Variants in TSPAN32 observed in about 807,000 individuals in gnomAD.
TSPAN32 encodes tetraspanin 32.
In TSPAN32, 47 loss-of-function variants were observed where a neutral mutation model predicts 42.7. That is an observed-to-expected ratio of 1.10 (90% confidence interval 0.87 to 1.40). The LOEUF is 1.40. Ranked by LOEUF, TSPAN32 falls within the 40% of genes most tolerant of loss-of-function variation. The pLI is 0.00. For missense variants in TSPAN32, 469 were observed against 424.1 expected (o/e 1.11, Z -0.93); for synonymous variants, 175 against 175.9 (o/e 0.99, Z 0.04).
intron 7 of TSPAN32, 72 bp from the exon 8 acceptor site, chr11:2,316,504 G>C: frequency 6.2e-7 from 1 of 1,607,476 alleles, no homozygotes; most frequent in Non-Finnish European, 8.5e-7. Flanking sequence ...ACACTGCAGA[G>C]TCCTGATGCT....
intron 6 of TSPAN32, 59 bp downstream of exon 6, chr11:2,314,630 G>A (rs1283286890): frequency 2.8e-6 from 4 of 1,423,370 alleles, no homozygotes; most frequent in South Asian, 1.2e-5. Context: ...ACACCCTGGG[G>A]CCCAACCCCA....
chr11:2,308,765 C>T lies in TSPAN32; in HGVS notation c.309C>T (p.Cys103=), dbSNP rs11554947. 0.84 allele frequency: 1,314,774 copies of T among 1,573,252 alleles called. 562,491 individuals are homozygous for T. The highest frequency in any genetic ancestry group is 0.89 in the Non-Finnish European group (1,030,253 of 1,159,812). The part of the protein sequence containing the change: ...GGFLCFSLAF[C]AQVQVVFWRL... The stretch of plus-strand genomic sequence containing the variant: ...TCCTGTGCTTCTCCCTGGCGTTCTG[C>T]GCACAGGTGCAGGTGGTGTTCTGGA... Residue 103 remains cysteine (C), a synonymous_variant, in exon 4 of 10, where the codon TGC becomes TGT. Coordinates refer to ENST00000182290, the MANE Select transcript of TSPAN32 (RefSeq NM_139022.3).
intron 3 of TSPAN32, among the ~76,000 whole-genome samples, chr11:2,305,383 G>C (rs1554938661): frequency 5.4e-4 from 48 of 89,082 alleles, no homozygotes; most frequent in African/African-American, 9.8e-4. Flanking sequence ...CCCCCCCCCA[G>C]AGGGTGTGTG....
chr11:2,307,533 GC>G (rs140649947), intron 3 of TSPAN32, among the ~76,000 whole-genome samples: 2,584 of 152,280 alleles, frequency 0.017, 55 homozygotes, highest in East Asian at 0.057. Flanking sequence ...AAAGGCGGCT[GC>G]CCAGACCCTG....
At chr11:2,315,854 C>T (rs551931907) in intron 6 of TSPAN32, 7 of 1,385,210 alleles carry the variant, frequency 5.1e-6, no homozygotes, top group African/African-American at 1.4e-5. Flanking sequence ...TAGCCATCAC[C>T]CTCTGGTCAC....
chr11:2,315,340 G>A (rs1848721156), intron 6 of TSPAN32: 2 of 1,163,260 alleles, frequency 1.7e-6, no homozygotes, highest in Admixed American at 8.9e-5. Context: ...AGGCTCTGAG[G>A]GCAGAAGGGC....
intron 1 of TSPAN32, 57 bp downstream of exon 1, chr11:2,302,272 G>T: frequency 7.5e-7 from 1 of 1,333,790 alleles, no homozygotes. Flanking sequence ...GGGGTGAGGG[G>T]TGGCAGGGCC....
At chr11:2,302,572 G>A (rs1053274674) in intron 1 of TSPAN32, 39 of 550,074 alleles carry the variant, frequency 7.1e-5, no homozygotes, top group African/African-American at 5.6e-4. Context: ...CTCCCACTCC[G>A]TAGACACAAT....
In TSPAN32 at chr11:2,313,941, C is replaced by A. The variant is rs779247993; in HGVS notation, c.456+186C>A. 2.6e-5 allele frequency among the ~76,000 whole-genome samples: 4 copies of A among 152,088 alleles called. No individual in the cohort carries two copies. The highest frequency in any genetic ancestry group is 4.4e-5 in the Non-Finnish European group (3 of 68,018). ...CACCCTCTGTCTGCCCAGGACAAGG[C>A]CGCCTACCAGATTCTCGAGGCCCAG... On this transcript the variant is annotated intron_variant, in intron 5 of 9. Transcript: ENST00000182290. This position sits in a 1 kb window ranked among gnomAD's most constrained non-coding sequence, Gnocchi z 9.1.
At chr11:2,305,370 G>GC (rs3034695) in intron 3 of TSPAN32, among the ~76,000 whole-genome samples, 27,100 of 134,456 alleles carry the variant, frequency 0.2, 3,213 homozygotes, top group African/African-American at 0.31. Context: ...CAGGTAGTCT[G>GC]CCCCCCCCCC....
intron 2 of TSPAN32, among the ~76,000 whole-genome samples, chr11:2,303,765 G>A (rs890563438): frequency 6.6e-6 from 1 of 152,166 alleles, no homozygotes; most frequent in African/African-American, 2.4e-5. Context: ...ATGGCAGGAG[G>A]ATGCCTGGGG....
intron 2 of TSPAN32, 149 bp from the exon 3 acceptor site, chr11:2,303,958 G>A (rs1847917872): frequency 1.6e-6 from 1 of 609,494 alleles, no homozygotes; most frequent in African/African-American, 1.9e-5. Context: ...CTTCCCTCAG[G>A]GCCGTCTGAT....
intron 7 of TSPAN32, 62 bp from the exon 8 acceptor site, chr11:2,316,514 T>C (rs1848805596): frequency 6.2e-7 from 1 of 1,608,886 alleles, no homozygotes; most frequent in Admixed American, 1.7e-5. Context: ...GTCCTGATGC[T>C]TCCTGGGGAG....
chr11:2,302,163 G>A lies in TSPAN32; in HGVS notation c.14G>A (p.Ser5Asn). Residue 5 changes from serine to asparagine, a missense_variant, in exon 1 of 10, where the codon AGT becomes AAT. By Grantham distance (46) the Ser-to-Asn change is conservative (BLOSUM62 1). Coordinates refer to ENST00000182290, the MANE Select transcript of TSPAN32 (RefSeq NM_139022.3). ...AGAGGAACCGTCATGGGGCCTTGGA[G>A]TCGAGTCAGGGTTGCCAAATGCCAG... is the stretch of plus-strand genomic sequence containing the variant. MGPWSRVRVAKCQML... is the reference protein window; with the variant it reads MGPWNRVRVAKCQML... The A allele has an allele frequency of 4.9e-6, 7 of 1,438,172 alleles. No individual in the cohort carries two copies. Among genetic ancestry groups the A allele is most frequent in the Non-Finnish European group, 6.4e-6 (7 of 1,092,406 alleles). The allele number at this position is 1,438,172 out of a possible 1,614,324, so 89.1% of individuals were successfully genotyped here. A position where few individuals can be genotyped will look rare whatever the true frequency, so the allele number is the denominator to read the frequency against.
At chr11:2,314,436 C>T in intron 5 of TSPAN32, 49 bp from the exon 6 acceptor site, 1 of 1,501,158 alleles carries the variant, frequency 6.7e-7, no homozygotes, top group Non-Finnish European at 9.2e-7. Context: ...CTGCCCGCCT[C>T]CTGGGGTCTC....
intron 5 of TSPAN32, 97 bp from the exon 6 acceptor site, chr11:2,314,388 A>T: frequency 2.0e-6 from 2 of 978,068 alleles, no homozygotes; most frequent in Non-Finnish European, 1.6e-6. Flanking sequence ...AGGGAACCCC[A>T]CCTGGATACT....
intron 3 of TSPAN32, among the ~76,000 whole-genome samples, chr11:2,305,040 C>A (rs986864015): frequency 3.9e-5 from 6 of 152,224 alleles, no homozygotes; most frequent in Non-Finnish European, 2.9e-5. Flanking sequence ...AGCTGGACCA[C>A]TCTGGGGGTC....
chr11:2,315,977 G>A (rs1589818982), intron 6 of TSPAN32: 2 of 1,532,786 alleles, frequency 1.3e-6, no homozygotes, highest in Non-Finnish European at 1.7e-6. Context: ...GGACAGCTGG[G>A]AGACGGCACC....
rs552238597 is a variant in TSPAN32 at position 2,307,779 on chromosome 11, G to A, written c.280-957G>A. ...CCCCACTCCACGACTAGGGGCACGG[G>A]CATCAGTGAGAGAGAGGGGACAGTG... On this transcript the variant is annotated intron_variant, in intron 3 of 9. Coordinates refer to ENST00000182290, the MANE Select transcript of TSPAN32 (RefSeq NM_139022.3). Among the ~76,000 whole-genome samples, 131 of 152,266 alleles carry A rather than the reference G, an allele frequency of 8.6e-4. 1 individual carries two copies. The South Asian group carries it at 0.024, about 28-fold the overall frequency.
Sources: gnomAD v4.1 joint callset for allele counts (sites outside exome capture counted in the v4.1 genomes callset) on GRCh38, gnomAD v4.1.1 for gene constraint, Gnocchi (gnomAD v3.1) non-coding constraint, MANE v1.5 for transcripts, NCBI Gene and HGNC (gene_info 2026-07-23, HGNC 2026-07-21) for gene names.